Variants in DLGAP1 observed in about 807,000 individuals in gnomAD.
DLGAP1 encodes DLG associated protein 1.
DLGAP1 carries 11 observed loss-of-function variants against 90.8 expected under a neutral mutation model. The observed-to-expected ratio is 0.12, with a 90% confidence interval of 0.08 to 0.20. The LOEUF is 0.20. Among genes scored for constraint, DLGAP1 ranks in the 10% least tolerant of loss-of-function variants. The probability of loss-of-function intolerance (pLI) is 1.00; values close to 1 mark genes in which losing one functional copy is unlikely to be tolerated. For synonymous variants in DLGAP1, 558 were observed against 540.7 expected (o/e 1.03, Z -0.44); for missense variants, 1,050 against 1,333.8 (o/e 0.79, Z 3.31).
chr18:4,280,971 C>A (rs2079536193), intron 1 of DLGAP1: 1 of 152,104 alleles, frequency 6.6e-6, no homozygotes, highest in African/African-American at 2.4e-5. Context: ...ATATAAATTT[C>A]TTTTTAACCC....
At chr18:3,938,144 C>T (rs2072683474) in intron 3 of DLGAP1, among the ~76,000 whole-genome samples, 1 of 152,144 alleles carries the variant, frequency 6.6e-6, no homozygotes, top group Non-Finnish European at 1.5e-5. Context: ...GAAGCCGAAA[C>T]ATACACGTTA....
intron 3 of DLGAP1, among the ~76,000 whole-genome samples, chr18:3,905,201 A>T (rs977492774): frequency 1.1e-4 from 16 of 151,130 alleles, no homozygotes; most frequent in African/African-American, 3.6e-4. Flanking sequence ...CCCCATCTCT[A>T]CTAAAAATAC....
At chr18:3,520,604 G>A (rs1185475720) in intron 10 of DLGAP1, among the ~76,000 whole-genome samples, 1 of 152,092 alleles carries the variant, frequency 6.6e-6, no homozygotes, top group African/African-American at 2.4e-5. Flanking sequence ...CACACAGAGG[G>A]GAGAATCAGG....
intron 1 of DLGAP1, among the ~76,000 whole-genome samples, chr18:4,171,429 G>T (rs1466952646): frequency 6.6e-6 from 1 of 151,988 alleles, no homozygotes; most frequent in Non-Finnish European, 1.5e-5. Context: ...GCCAGGCGAG[G>T]TGGCAGGCGC....
Position 4,188,932 on chromosome 18 carries a change from T to A in DLGAP1, c.-266-37645A>T, listed in dbSNP as rs554014786. Reference sequence around the variant, plus strand: ...AGACCTTTTACTCACTGGATTTCTTTACTGGAGATATTTTTGAATGATGTT... The same window carrying A: ...AGACCTTTTACTCACTGGATTTCTTAACTGGAGATATTTTTGAATGATGTT... On this transcript the variant is annotated intron_variant, in intron 1 of 12. Transcript: ENST00000315677. Among the ~76,000 whole-genome samples the A allele has an allele frequency of 2.1e-4, 32 of 152,346 alleles. 2 individuals are homozygous for A. The South Asian group carries it at 2.3e-3, about 11-fold the overall frequency.
intron 3 of DLGAP1, among the ~76,000 whole-genome samples, chr18:4,000,505 T>C (rs553532333): frequency 6.6e-6 from 1 of 152,212 alleles, no homozygotes; most frequent in Non-Finnish European, 1.5e-5. Context: ...TACAAAAAAA[T>C]GTCTACTTAA....
chr18:3,788,756 C>A (rs967998662), intron 5 of DLGAP1, among the ~76,000 whole-genome samples: 4 of 152,052 alleles, frequency 2.6e-5, no homozygotes, highest in Non-Finnish European at 5.9e-5. Context: ...AGGAGAGCTA[C>A]AAAGCACCTG....
chr18:3,542,281 G>A (rs978216341), intron 9 of DLGAP1, among the ~76,000 whole-genome samples: 1 of 151,978 alleles, frequency 6.6e-6, no homozygotes, highest in African/African-American at 2.4e-5. Context: ...TTCCCTTTAG[G>A]TATACACACC....
chr18:3,523,636 A>C (rs1468835448), intron 10 of DLGAP1, among the ~76,000 whole-genome samples: 3 of 151,926 alleles, frequency 2.0e-5, no homozygotes. Context: ...TCACGAGGTC[A>C]GGAGATCGAG....
intron 7 of DLGAP1, among the ~76,000 whole-genome samples, chr18:3,601,174 C>G (rs994511106): frequency 1.3e-5 from 2 of 151,850 alleles, no homozygotes; most frequent in African/African-American, 4.8e-5. Context: ...GCAACCTCCA[C>G]TTCCCGGGCT....
At chr18:3,940,421 G>A (rs993339153) in intron 3 of DLGAP1, among the ~76,000 whole-genome samples, 1 of 152,202 alleles carries the variant, frequency 6.6e-6, no homozygotes, top group Admixed American at 6.5e-5. Context: ...GAGGTAATTT[G>A]TTATGCAATA....
chr18:3,880,282 C>G, intron 3 of DLGAP1, 142 bp from the exon 4 acceptor site: 1 of 604,960 alleles, frequency 1.7e-6, no homozygotes, highest in Non-Finnish European at 2.9e-6. Flanking sequence ...ATCCTGGGCT[C>G]AAGCCATCCT....
At chr18:4,185,087 G>A (rs954876115) in intron 1 of DLGAP1, among the ~76,000 whole-genome samples, 3 of 151,948 alleles carry the variant, frequency 2.0e-5, no homozygotes, top group East Asian at 1.9e-4. Flanking sequence ...CAGGGCCCTC[G>A]ACAGTGTCTG....
At chr18:3,845,850 A>T (rs1212943517) in intron 4 of DLGAP1, among the ~76,000 whole-genome samples, 2 of 152,232 alleles carry the variant, frequency 1.3e-5, no homozygotes, top group Non-Finnish European at 2.9e-5. Context: ...TTAAGGAGTA[A>T]AATAACAATA....
intron 4 of DLGAP1, among the ~76,000 whole-genome samples, chr18:3,840,692 T>C (rs749936612): frequency 1.3e-5 from 2 of 152,212 alleles, no homozygotes; most frequent in East Asian, 3.8e-4. Context: ...ACTAACACCA[T>C]TGTTAATCGA....
At chr18:3,754,654 T>C (rs969529318) in intron 5 of DLGAP1, among the ~76,000 whole-genome samples, 1 of 142,672 alleles carries the variant, frequency 7.0e-6, no homozygotes, top group Non-Finnish European at 1.5e-5. Context: ...CCGAGGCAGG[T>C]GGATTGCATG....
chr18:4,371,751 A>C (rs918558399), intron 1 of DLGAP1, among the ~76,000 whole-genome samples: 1 of 151,894 alleles, frequency 6.6e-6, no homozygotes, highest in African/African-American at 2.4e-5. Flanking sequence ...AATGGTAAAA[A>C]GGCAAAGTCA....
In DLGAP1 at chr18:3,951,032, T is replaced by A. The variant is rs1272559264; in HGVS notation, c.-73+54084A>T. Among the ~76,000 whole-genome samples, 3 of 152,190 alleles carry A rather than the reference T, an allele frequency of 2.0e-5. No homozygotes were observed. In the East Asian group the frequency reaches 5.8e-4, roughly 29 times the overall value. ...GGCAAATCATCATTCAGCTCAGAAG[T>A]TACCTTTTCTGCACTTCCTATTTAA... On this transcript the variant is annotated intron_variant, in intron 3 of 12. Transcript: ENST00000315677.
At chr18:3,705,361 T>C (rs919497002) in intron 7 of DLGAP1, among the ~76,000 whole-genome samples, 2 of 151,950 alleles carry the variant, frequency 1.3e-5, no homozygotes, top group African/African-American at 4.8e-5. Flanking sequence ...TGCTTTGCTC[T>C]GTATACCTCC....
Sources: allele counts gnomAD v4.1 joint callset (sites outside exome capture counted in the v4.1 genomes callset), GRCh38; gene constraint gnomAD v4.1.1; transcripts MANE v1.5; gene names NCBI Gene and HGNC (gene_info 2026-07-23, HGNC 2026-07-21).